DENND6B: variants seen among roughly 807,000 people sequenced by gnomAD.
DENND6B encodes the protein DENN domain containing 6B.
A neutral mutation model predicts 85.1 loss-of-function variants in DENND6B; 73 were observed. The ratio of observed to expected loss-of-function variants is 0.86; its 90% confidence interval spans 0.71 to 1.04. The LOEUF is 1.04. Ranked by LOEUF, DENND6B falls within the 50% of genes least tolerant of loss-of-function variation. DENND6B has a pLI of 0.00. For synonymous variants in DENND6B, 357 were observed against 329.3 expected (o/e 1.08, Z -0.91); for missense variants, 715 against 785.8 (o/e 0.91, Z 1.08).
chr22:50,319,189 C>T lies in DENND6B; in HGVS notation c.178-186G>A, dbSNP rs1045177868. The T allele has an allele frequency of 2.1e-5, 32 of 1,507,690 alleles. No individual in the cohort carries two copies. In the Admixed American group the frequency reaches 6.4e-4, roughly 30 times the overall value. The allele number at this position is 1,507,690 out of a possible 1,614,324, so 93.4% of individuals were successfully genotyped here. A position where few individuals can be genotyped will look rare whatever the true frequency, so the allele number is the denominator to read the frequency against. On this transcript the variant is annotated intron_variant, in intron 1 of 19. Coordinates refer to ENST00000413817, the MANE Select transcript of DENND6B (RefSeq NM_001001794.4). ...AACAGCACGCTGCATCCTCCCCACA[C>T]CATATTCTCTGTGTTCCAACAGCAT...
intron 1 of DENND6B, among the ~76,000 whole-genome samples, chr22:50,325,263 A>C (rs2042158925): frequency 1.3e-5 from 2 of 152,006 alleles, no homozygotes; most frequent in South Asian, 4.1e-4. Flanking sequence ...AGCCTTCAAC[A>C]GCTCAGAAAT....
Position 50,315,736 on chromosome 22 carries a change from C to A in DENND6B, c.736G>T (p.Val246Phe). The change falls in exon 9 of 20, where the codon GTC becomes TTC. Residue 246 changes from valine (V) to phenylalanine (F), a missense_variant. Transcript: ENST00000413817. ...LLPAPVVLAS[V>F]HELDLFRCFR... is the part of the protein sequence containing the mutation. ...CACCTGAACAGGTCCAGCTCGTGGA[C>A]GCTAGCAAGAACCACTGGGGCTGGC... 1.3e-6 allele frequency: 2 copies of A among 1,557,220 alleles called. No homozygotes were observed. Among genetic ancestry groups the A allele is most frequent in the Non-Finnish European group, 1.7e-6 (2 of 1,152,366 alleles).
intron 9 of DENND6B, 21 bp from the exon 10 acceptor site, chr22:50,314,942 CG>C: frequency 1.2e-6 from 2 of 1,606,026 alleles, no homozygotes. Flanking sequence ...GCAGGAAGGT[CG>C]GGGAGGTCAG....
At chr22:50,324,246 C>T (rs1026220733) in intron 1 of DENND6B, among the ~76,000 whole-genome samples, 49 of 152,138 alleles carry the variant, frequency 3.2e-4, no homozygotes, top group African/African-American at 1.1e-3. Context: ...CGTACAGTTG[C>T]GGGGGTATCC....
chr22:50,316,303 G>A (rs372001122), intron 6 of DENND6B, 50 bp from the exon 7 acceptor site: 1 of 1,565,370 alleles, frequency 6.4e-7, no homozygotes, highest in African/African-American at 1.4e-5. Flanking sequence ...AGAAGCTGCT[G>A]CCGAGCCCAC....
chr22:50,326,820 C>T lies in DENND6B; in HGVS notation c.169G>A (p.Ala57Thr). 4 of 1,422,152 alleles carry T rather than the reference C, an allele frequency of 2.8e-6. No individual in the cohort carries two copies. The highest frequency in any genetic ancestry group is 3.7e-6 in the Non-Finnish European group (4 of 1,092,358). The allele number at this position is 1,422,152 out of a possible 1,614,324, so 88.1% of individuals were successfully genotyped here. ...CGCTCGCGCCCGCTCACCTCCAGCGCCTGGCCCAGCTCCAGGTCGAAGGTG... is the reference window on the plus strand; with the variant it reads ...CGCTCGCGCCCGCTCACCTCCAGCGTCTGGCCCAGCTCCAGGTCGAAGGTG... ...VVTFDLELGQALELVYPNDFR... is the reference protein window; with the variant it reads ...VVTFDLELGQTLELVYPNDFR... Residue 57 changes from alanine to threonine, a missense_variant, in exon 1 of 20, where the codon GCG becomes ACG. By Grantham distance (58) the Ala-to-Thr change is moderately conservative (BLOSUM62 0). Transcript: ENST00000413817.
chr22:50,312,382 C>G lies in DENND6B; in HGVS notation c.1596G>C (p.Val532=), dbSNP rs988659793. 3 of 1,611,730 alleles carry G rather than the reference C, an allele frequency of 1.9e-6. No individual in the cohort carries two copies. In the African/African-American group the frequency reaches 4.0e-5, roughly 22 times the overall value. Reference sequence around the variant, plus strand: ...GTTTCAGGACCAGGTCCACGACCTCCACCTCGGACTTGTCTTTCATCCAGG... The same window carrying G: ...GTTTCAGGACCAGGTCCACGACCTCGACCTCGGACTTGTCTTTCATCCAGG... ...IETWMKDKSE[V]EVVDLVLKLR... Residue 532 remains valine (V), a synonymous_variant, in exon 19 of 20, where the codon GTG becomes GTC. Coordinates refer to ENST00000413817, the MANE Select transcript of DENND6B (RefSeq NM_001001794.4).
At chr22:50,325,958 T>C (rs2147796914) in intron 1 of DENND6B, among the ~76,000 whole-genome samples, 1 of 152,320 alleles carries the variant, frequency 6.6e-6, no homozygotes, top group Admixed American at 6.5e-5. Flanking sequence ...GGCCTGATCT[T>C]GGACACCTGC....
At chr22:50,315,053 AG>A in intron 9 of DENND6B, 132 bp from the exon 10 acceptor site, 2 of 1,292,924 alleles carry the variant, frequency 1.5e-6, no homozygotes, top group Non-Finnish European at 2.1e-6. Context: ...GGGTGAAGAC[AG>A]ATCTATCTGA....
In DENND6B at chr22:50,315,719, C is replaced by A. The variant is rs1426377612; in HGVS notation, c.753G>T (p.Leu251=). ...CAGAACCCTAGGGGGCTCACCTGAA[C>A]AGGTCCAGCTCGTGGACGCTAGCAA... The part of the protein sequence containing the change: ...VVLASVHELD[L]FRCFRPVLTH... Residue 251 remains leucine (L), a synonymous_variant, in exon 9 of 20, where the codon CTG becomes CTT. Coordinates refer to ENST00000413817, the MANE Select transcript of DENND6B (RefSeq NM_001001794.4). The A allele has an allele frequency of 1.3e-6, 2 of 1,567,394 alleles. No individual in the cohort carries two copies. Among genetic ancestry groups the A allele is most frequent in the Non-Finnish European group, 1.7e-6 (2 of 1,157,884 alleles).
Position 50,310,232 on chromosome 22 carries a change from C to T in DENND6B, c.*1907G>A, listed in dbSNP as rs750393871. The stretch of plus-strand genomic sequence containing the variant: ...ATTTGGGGCCAGGACCTTTCTCACC[C>T]TCGGGTCCCCGGCTTGTCCCTGCCA... On this transcript the variant is annotated 3_prime_UTR_variant, in exon 20 of 20. Transcript: ENST00000413817. The T allele has an allele frequency of 9.2e-5, 14 of 152,466 alleles. No individual in the cohort carries two copies. The highest frequency in any genetic ancestry group is 1.5e-4 in the Non-Finnish European group (10 of 68,116). 9.4% of individuals were successfully genotyped at this position (152,466 alleles called of 1,614,324 possible).
chr22:50,326,769 C>A (rs2042200858), intron 1 of DENND6B, 43 bp downstream of exon 1: 2 of 1,332,230 alleles, frequency 1.5e-6, no homozygotes, highest in South Asian at 1.9e-5. Flanking sequence ...CCGAGAGGCG[C>A]AGCCCTGCCC....
intron 1 of DENND6B, among the ~76,000 whole-genome samples, chr22:50,325,963 A>G (rs1196302934): frequency 1.3e-5 from 2 of 152,202 alleles, no homozygotes; most frequent in African/African-American, 4.8e-5. Flanking sequence ...GATCTTGGAC[A>G]CCTGCGGTAA....
rs1167855531 is a variant in DENND6B at position 50,313,885 on chromosome 22, G to T, written c.1139-7C>A. 1 of 1,606,570 alleles carries T rather than the reference G, an allele frequency of 6.2e-7. No individual in the cohort carries two copies. The highest frequency in any genetic ancestry group is 1.3e-5 in the African/African-American group (1 of 74,872). ...GTGTAAGCGGTGTAGAGGCCTGGCG[G>T]GAGGGCACAGCTGGCGCCCCACCCT... On this transcript the variant is annotated splice_polypyrimidine_tract_variant and splice_region_variant and intron_variant, in intron 13 of 19. Transcript: ENST00000413817.
chr22:50,313,845 C>A lies in DENND6B; in HGVS notation c.1172G>T (p.Arg391Leu), dbSNP rs372222188. 6.2e-7 allele frequency: 1 copy of A among 1,611,798 alleles called. No individual in the cohort carries two copies. Among genetic ancestry groups the A allele is most frequent in the African/African-American group, 1.3e-5 (1 of 74,884 alleles). Residue 391 changes from arginine (R) to leucine (L), a missense_variant, in exon 14 of 20, where the codon CGC (arginine) becomes CTC (leucine). Physicochemically the swap from Arg to Leu is moderately radical, Grantham distance 102. Transcript: ENST00000413817. ...CAGCCGTTTGAGCAGCGCCTTGTCG[C>A]GGTGGAGGTGGGCCGTGTAAGCGGT... is the stretch of plus-strand genomic sequence containing the variant. ...LYTAYTAHLH[R>L]DKALLKRLLK...
intron 1 of DENND6B, chr22:50,319,304 C>T (rs772496840): frequency 3.7e-5 from 36 of 985,380 alleles, no homozygotes; most frequent in Middle Eastern, 1.0e-3. Context: ...CACCAGGCCC[C>T]GGGCAACTCC....
chr22:50,319,431 C>A (rs1236152171), intron 1 of DENND6B: 1 of 985,310 alleles, frequency 1.0e-6, no homozygotes, highest in African/African-American at 1.7e-5. Context: ...CACAGCCACC[C>A]AACCACCTCT....
In DENND6B at chr22:50,317,888, A is replaced by G; in HGVS notation, c.372+20T>C. On this transcript the variant is annotated intron_variant, in intron 4 of 19. Coordinates refer to ENST00000413817, the MANE Select transcript of DENND6B (RefSeq NM_001001794.4). ...GGGGAGCAGGGGAGAAGCAGGCCAG[A>G]GACGCAGCCCAGTGCTCACCTGCAG... 1 of 1,596,066 alleles carries G rather than the reference A, an allele frequency of 6.3e-7. No individual in the cohort carries two copies. The highest frequency in any genetic ancestry group is 8.5e-7 in the Non-Finnish European group (1 of 1,174,620).
In DENND6B at chr22:50,316,255, T is replaced by G; in HGVS notation, c.560-2A>C. 6.2e-7 allele frequency: 1 copy of G among 1,600,168 alleles called. No homozygotes were observed. The highest frequency in any genetic ancestry group is 8.5e-7 in the Non-Finnish European group (1 of 1,173,842). ...GCCACTGGTCGATCTCACTGCACACTGCGGATGCAGTAGCCCGCATCAGGA... is the reference window on the plus strand; with the variant it reads ...GCCACTGGTCGATCTCACTGCACACGGCGGATGCAGTAGCCCGCATCAGGA... On this transcript the variant is annotated splice_acceptor_variant, in intron 6 of 19. Coordinates refer to ENST00000413817, the MANE Select transcript of DENND6B (RefSeq NM_001001794.4). LOFTEE classifies it high-confidence loss of function.
Sources: allele counts gnomAD v4.1 joint callset (sites outside exome capture counted in the v4.1 genomes callset), GRCh38; gene constraint gnomAD v4.1.1; transcripts MANE v1.5; gene names NCBI Gene and HGNC (gene_info 2026-07-23, HGNC 2026-07-21).